The following ST7 variants were observed in gnomAD, a reference collection of about 807,000 sequenced individuals.
ST7 encodes suppression of tumorigenicity 7.
ST7 carries 28 observed loss-of-function variants against 78.7 expected under a neutral mutation model. That is an observed-to-expected ratio of 0.36 (90% confidence interval 0.26 to 0.49). The LOEUF (loss-of-function observed/expected upper bound fraction) is 0.49. Among genes scored for constraint, ST7 ranks in the 20% least tolerant of loss-of-function variants. The pLI is 0.99. For missense variants in ST7, 418 were observed against 696.0 expected (o/e 0.60, Z 4.49); for synonymous variants, 247 against 249.6 (o/e 0.99, Z 0.10).
chr7:116,956,407 C>T (rs117067537), intron 1 of ST7: 6,988 of 462,430 alleles, frequency 0.015, 75 homozygotes, highest in Non-Finnish European at 0.023. Context: ...ACGGGACTAA[C>T]TTTGCTGTTC....
intron 1 of ST7, among the ~76,000 whole-genome samples, chr7:116,976,898 T>C (rs1348363812): frequency 2.6e-5 from 4 of 152,218 alleles, no homozygotes; most frequent in Non-Finnish European, 5.9e-5. Flanking sequence ...TTAAATGACA[T>C]TGTTATTTTA....
chr7:117,140,673 T>A (rs946883537), intron 9 of ST7, among the ~76,000 whole-genome samples: 3 of 152,176 alleles, frequency 2.0e-5, no homozygotes, highest in African/African-American at 7.2e-5. Context: ...TATTTATGCA[T>A]GTTTGTATAT....
chr7:117,064,730 T>A (rs1352432267), intron 1 of ST7, among the ~76,000 whole-genome samples: 1 of 152,214 alleles, frequency 6.6e-6, no homozygotes, highest in Admixed American at 6.5e-5. Context: ...TGGGCTTCTT[T>A]AAGGAAAAGC....
chr7:117,192,246 A>C (rs1809850670), intron 12 of ST7, among the ~76,000 whole-genome samples: 1 of 152,234 alleles, frequency 6.6e-6, no homozygotes, highest in Non-Finnish European at 1.5e-5. Flanking sequence ...GAGGTCATCT[A>C]TGAATACTTA....
intron 9 of ST7, among the ~76,000 whole-genome samples, chr7:117,152,222 T>TATATATATAA (rs1563124840): frequency 1.7e-5 from 2 of 117,950 alleles, no homozygotes; most frequent in African/African-American, 6.3e-5. Context: ...TATATATATA[T>TATATATATAA]ACCATGAACA....
At chr7:117,095,882 A>G (rs1429633139) in intron 1 of ST7, among the ~76,000 whole-genome samples, 1 of 151,932 alleles carries the variant, frequency 6.6e-6, no homozygotes, top group African/African-American at 2.4e-5. Context: ...GGCCTGGCCA[A>G]CATGGTGAAC....
chr7:117,090,252 C>G (rs1800502482), intron 1 of ST7, among the ~76,000 whole-genome samples: 1 of 131,242 alleles, frequency 7.6e-6, no homozygotes, highest in South Asian at 2.6e-4. Context: ...CACACACACA[C>G]AGACACACAC....
chr7:117,081,430 T>C (rs1799765619), intron 1 of ST7, among the ~76,000 whole-genome samples: 1 of 152,204 alleles, frequency 6.6e-6, no homozygotes, highest in African/African-American at 2.4e-5. Flanking sequence ...CACAATTTAT[T>C]AAATTTTTTC....
At chr7:117,014,057 A>G (rs1795491799) in intron 1 of ST7, among the ~76,000 whole-genome samples, 1 of 152,202 alleles carries the variant, frequency 6.6e-6, no homozygotes. Flanking sequence ...CCACTACTCC[A>G]GCAAAAGCAT....
intron 1 of ST7, among the ~76,000 whole-genome samples, chr7:117,078,794 C>T (rs1023253431): frequency 2.0e-5 from 3 of 152,146 alleles, no homozygotes; most frequent in African/African-American, 4.8e-5. Context: ...GGTGAATTCT[C>T]TTTTAGTGTT....
intron 15 of ST7, chr7:117,223,949 C>A: frequency 1.0e-6 from 1 of 974,024 alleles, no homozygotes; most frequent in East Asian, 1.1e-4. Flanking sequence ...ATGGAAAAAT[C>A]AGATACAGCT....
rs183935811 is a variant in ST7 at position 116,970,035 on chromosome 7, A to G, written c.151+16344A>G. Among the ~76,000 whole-genome samples, 206 of 152,306 alleles carry G rather than the reference A, an allele frequency of 1.4e-3. 2 individuals carry two copies. The highest frequency in any genetic ancestry group is 4.8e-3 in the African/African-American group (199 of 41,550). On this transcript the variant is annotated intron_variant, in intron 1 of 15. Coordinates refer to ENST00000323984, the MANE Select transcript of ST7 (RefSeq NM_001369598.1). ...GGTTGCAGTGAGCCGAGATCGCGCC[A>G]TTGCACTCCAGCCTGGGCAACAAGA...
intron 10 of ST7, 56 bp from the exon 11 acceptor site, chr7:117,189,265 G>C: frequency 7.8e-7 from 1 of 1,279,324 alleles, no homozygotes; most frequent in South Asian, 1.3e-5. Flanking sequence ...TATTGAAAAT[G>C]ATTGCTCTTT....
chr7:116,984,708 C>T (rs1794117643), intron 1 of ST7, among the ~76,000 whole-genome samples: 1 of 152,122 alleles, frequency 6.6e-6, no homozygotes. Context: ...TGAGATACAA[C>T]ATATGTAAAT....
At chr7:117,157,597 T>C (rs1372489791) in intron 9 of ST7, among the ~76,000 whole-genome samples, 3 of 152,234 alleles carry the variant, frequency 2.0e-5, no homozygotes, top group Non-Finnish European at 4.4e-5. Flanking sequence ...GATAACCATA[T>C]GCATTAATCT....
intron 12 of ST7, among the ~76,000 whole-genome samples, chr7:117,204,438 A>G (rs1406505950): frequency 6.6e-6 from 1 of 152,204 alleles, no homozygotes; most frequent in Non-Finnish European, 1.5e-5. Flanking sequence ...GTAGCTAAAC[A>G]GTAGAGCCAG....
intron 1 of ST7, among the ~76,000 whole-genome samples, chr7:117,021,331 G>A (rs1242813225): frequency 6.6e-6 from 1 of 152,208 alleles, no homozygotes. Flanking sequence ...CAAACTATGT[G>A]AGGATTATTT....
At chr7:117,115,317 C>T (rs1246624120) in intron 2 of ST7, among the ~76,000 whole-genome samples, 1 of 151,856 alleles carries the variant, frequency 6.6e-6, no homozygotes, top group Non-Finnish European at 1.5e-5. Context: ...TCTCTTTCTT[C>T]CTATCTTAGA....
rs1804246219 is a variant in ST7 at position 117,130,380 on chromosome 7, A to G, written c.450-111A>G. 5 of 629,260 alleles carry G rather than the reference A, an allele frequency of 7.9e-6. No individual in the cohort carries two copies. The South Asian group carries it at 1.6e-4, about 21-fold the overall frequency. 39.0% of individuals were successfully genotyped at this position (629,260 alleles called of 1,614,324 possible). A position where few individuals can be genotyped will look rare whatever the true frequency, so the allele number is the denominator to read the frequency against. On this transcript the variant is annotated intron_variant, in intron 4 of 15. Transcript: ENST00000323984. ...ATTTTTTTTATTCATTAGCAAAGCT[A>G]TTTTAGTATTCAGTTAATGGTCTAT...
Sources: allele counts gnomAD v4.1 joint callset (sites outside exome capture counted in the v4.1 genomes callset), GRCh38; gene constraint gnomAD v4.1.1; transcripts MANE v1.5; gene names NCBI Gene and HGNC (gene_info 2026-07-23, HGNC 2026-07-21).